Variants in ESRRG observed in about 807,000 individuals in gnomAD.
ESRRG encodes the protein estrogen-related receptor gamma.
A neutral mutation model predicts 44.0 loss-of-function variants in ESRRG; 13 were observed. The observed-to-expected ratio is 0.30, with a 90% CI of 0.19 to 0.47. ESRRG has a LOEUF of 0.47. Among genes scored for constraint, ESRRG ranks in the 20% least tolerant of loss-of-function variants. ESRRG has a pLI of 1.00. For synonymous variants in ESRRG, 215 were observed against 214.6 expected, an observed-to-expected ratio of 1.00 and a Z score of -0.02; for missense variants, 395 against 580.6, an observed-to-expected ratio of 0.68 and a Z score of 3.29.
At chr1:216,983,695 TG>T (rs2074384932) in intron 1 of ESRRG, among the ~76,000 whole-genome samples, 1 of 113,998 alleles carries the variant, frequency 8.8e-6, no homozygotes, top group East Asian at 2.4e-4. Flanking sequence ...CATGTGTGTG[TG>T]TGTGTGTGTG....
intron 1 of ESRRG, among the ~76,000 whole-genome samples, chr1:217,104,849 A>T (rs1463057727): frequency 6.6e-6 from 1 of 152,228 alleles, no homozygotes; most frequent in Non-Finnish European, 1.5e-5. Context: ...GATAAACTCT[A>T]TGGTTTCAGA....
chr1:217,035,221 C>A (rs556657885), intron 1 of ESRRG, among the ~76,000 whole-genome samples: 2 of 150,498 alleles, frequency 1.3e-5, no homozygotes, highest in Admixed American at 6.7e-5. Flanking sequence ...TGCAGTGGCT[C>A]ACACCTGAAA....
chr1:217,111,961 CCT>C (rs139979683), intron 1 of ESRRG, among the ~76,000 whole-genome samples: 2,537 of 152,204 alleles, frequency 0.017, 76 homozygotes, highest in African/African-American at 0.058. Flanking sequence ...CAGGACATTC[CCT>C]CTTATAATGC....
chr1:216,985,619 C>A (rs1306847134), intron 1 of ESRRG: 2 of 152,134 alleles, frequency 1.3e-5, no homozygotes, highest in Non-Finnish European at 2.9e-5. Flanking sequence ...TTGTGTAAGA[C>A]AATGTTGGTC....
intron 1 of ESRRG, among the ~76,000 whole-genome samples, chr1:216,709,341 G>GTATATATATATA (rs1483599909): frequency 2.3e-5 from 1 of 42,770 alleles, no homozygotes; most frequent in African/African-American, 7.9e-5. Context: ...GTGTGTGTGT[G>GTATATATATATA]TGTATATATA....
At chr1:216,687,505 C>A (rs2078234044) in intron 1 of ESRRG, among the ~76,000 whole-genome samples, 1 of 152,082 alleles carries the variant, frequency 6.6e-6, no homozygotes, top group Non-Finnish European at 1.5e-5. Context: ...TTTACCATTC[C>A]TTGATATGTC....
At chr1:216,707,515 T>A (rs552115743) in intron 1 of ESRRG, 3 of 1,517,930 alleles carry the variant, frequency 2.0e-6, no homozygotes, top group Non-Finnish European at 1.8e-6. Flanking sequence ...AAAGTTAGGG[T>A]GAAAGTTGCA....
chr1:217,061,512 G>A (rs1281631171), intron 1 of ESRRG, among the ~76,000 whole-genome samples: 1 of 152,074 alleles, frequency 6.6e-6, no homozygotes, highest in African/African-American at 2.4e-5. Flanking sequence ...AAAGACAGTT[G>A]CACCGGACTA....
intron 5 of ESRRG, among the ~76,000 whole-genome samples, chr1:216,532,339 G>C (rs543002821): frequency 5.6e-4 from 86 of 152,222 alleles, no homozygotes; most frequent in African/African-American, 2.0e-3. Flanking sequence ...TGACATAACG[G>C]GGATCAAGCC....
chr1:216,906,524 A>T (rs2059702791), intron 2 of ESRRG, among the ~76,000 whole-genome samples: 1 of 152,080 alleles, frequency 6.6e-6, no homozygotes, highest in Non-Finnish European at 1.5e-5. Context: ...CACCCTAGGG[A>T]TGCACTCTCC....
intron 1 of ESRRG, among the ~76,000 whole-genome samples, chr1:216,941,427 T>C (rs1364757092): frequency 6.6e-6 from 1 of 152,202 alleles, no homozygotes; most frequent in Non-Finnish European, 1.5e-5. Context: ...ATTTAAACTC[T>C]ACAACTTGTC....
At chr1:216,950,902 T>C (rs2066850844) in intron 1 of ESRRG, among the ~76,000 whole-genome samples, 1 of 152,118 alleles carries the variant, frequency 6.6e-6, no homozygotes, top group Admixed American at 6.6e-5. Context: ...ACCGTGAAAT[T>C]TAGTTTAAAA....
chr1:216,650,880 T>C (rs907070052), intron 3 of ESRRG, 93 bp downstream of exon 3: 6 of 780,256 alleles, frequency 7.7e-6, no homozygotes, highest in African/African-American at 5.1e-5. Flanking sequence ...TGTTACCTCA[T>C]CTTTTTCTGG....
intron 2 of ESRRG, among the ~76,000 whole-genome samples, chr1:216,935,302 G>C (rs1407844405): frequency 6.6e-6 from 1 of 152,126 alleles, no homozygotes; most frequent in Non-Finnish European, 1.5e-5. Context: ...AAAGTTGTAG[G>C]CTACCTACAA....
At chr1:217,000,618 G>A (rs2076911901) in intron 1 of ESRRG, 1 of 152,192 alleles carries the variant, frequency 6.6e-6, no homozygotes, top group Non-Finnish European at 1.5e-5. Context: ...ACCCACAACG[G>A]TGATCCTATA....
At chr1:216,675,398 C>T (rs1363888671) in intron 2 of ESRRG, among the ~76,000 whole-genome samples, 2 of 151,990 alleles carry the variant, frequency 1.3e-5, no homozygotes, top group Admixed American at 1.3e-4. Context: ...TGGGAGACTG[C>T]TCTATGTACA....
chr1:216,842,346 G>C (rs2095666514), intron 2 of ESRRG, among the ~76,000 whole-genome samples: 1 of 152,096 alleles, frequency 6.6e-6, no homozygotes, highest in Non-Finnish European at 1.5e-5. Context: ...AGGTCCGTAG[G>C]GCATTTCATC....
At chr1:216,618,722 CA>C (rs545873520) in intron 3 of ESRRG, among the ~76,000 whole-genome samples, 4 of 151,920 alleles carry the variant, frequency 2.6e-5, no homozygotes, top group South Asian at 2.1e-4. Context: ...GCATAAACCT[CA>C]AAAAAAATGG....
intron 2 of ESRRG, among the ~76,000 whole-genome samples, chr1:216,848,208 C>T (rs2095788712): frequency 6.6e-6 from 1 of 152,128 alleles, no homozygotes; most frequent in Non-Finnish European, 1.5e-5. Context: ...TGTAAAAGTA[C>T]ACACTGCACT....
Sources: gnomAD v4.1 joint callset for allele counts (sites outside exome capture counted in the v4.1 genomes callset) on GRCh38, gnomAD v4.1.1 for gene constraint, MANE v1.5 for transcripts, NCBI Gene and HGNC (gene_info 2026-07-23, HGNC 2026-07-21) for gene names.